Variants in GLG1 observed in about 807,000 individuals in gnomAD.
GLG1 encodes the protein golgi glycoprotein 1.
GLG1 carries 38 observed loss-of-function variants against 160.5 expected under a neutral mutation model. The ratio of observed to expected loss-of-function variants is 0.24; its 90% CI spans 0.18 to 0.31. The LOEUF is 0.31. Among genes scored for constraint, GLG1 ranks in the 10% least tolerant of loss-of-function variants. The probability of loss-of-function intolerance (pLI) is 1.00; values close to 1 mark genes in which losing one functional copy is unlikely to be tolerated. For synonymous variants in GLG1, 644 were observed against 543.4 expected (o/e 1.19, Z -2.57); for missense variants, 1,373 against 1,505.2 (o/e 0.91, Z 1.45).
intron 1 of GLG1, among the ~76,000 whole-genome samples, chr16:74,589,182 G>C (rs1958118904): frequency 6.6e-6 from 1 of 151,848 alleles, no homozygotes; most frequent in Non-Finnish European, 1.5e-5. Flanking sequence ...TTGAACCCAG[G>C]AGGCAGAGGT....
chr16:74,585,206 A>G (rs2143836147), intron 1 of GLG1, among the ~76,000 whole-genome samples: 1 of 152,128 alleles, frequency 6.6e-6, no homozygotes, highest in East Asian at 1.9e-4. Context: ...TCAGGAGTTC[A>G]AGACTGGTCT....
At position 74,491,089 on chromosome 16, in the gene GLG1, C is replaced by A. The variant is rs2015965589; in HGVS notation, c.1361G>T (p.Gly454Val). 1.9e-6 allele frequency: 3 copies of A among 1,614,012 alleles called. No individual in the cohort carries two copies. Among genetic ancestry groups the A allele is most frequent in the Non-Finnish European group, 2.5e-6 (3 of 1,179,976 alleles). The change falls in exon 8 of 26, where the codon GGA becomes GTA. Residue 454 changes from glycine to valine, a missense_variant. By Grantham distance (109) the Gly-to-Val change is moderately radical. Around this residue, in one of 4 missense-constraint regions of GLG1, gnomAD observed 386 missense variants for 388.5 expected, o/e 0.99. Coordinates refer to ENST00000422840, the MANE Select transcript of GLG1 (RefSeq NM_001145667.2). ...TAGGGTCCGCCCTTTTCGATGTAAT[C>A]CGGAACAATGGTGTTCAATCTCCCC... ...CRGEIEHHCS[G>V]LHRKGRTLHC...
rs544602512 is a variant in GLG1 at position 74,587,448 on chromosome 16, G to A, written c.438+19209C>T. ...AATGGTCACAGGAGATTTGTGGAGG[G>A]ATCCCCTTGAATCTAATAAACAATT... On this transcript the variant is annotated intron_variant, in intron 1 of 25. Coordinates refer to ENST00000422840, the MANE Select transcript of GLG1 (RefSeq NM_001145667.2). 5.3e-5 allele frequency among the ~76,000 whole-genome samples: 8 copies of A among 152,278 alleles called. 1 individual carries two copies. In the South Asian group the frequency reaches 1.2e-3, roughly 24 times the overall value.
At chr16:74,470,158 C>A (rs1361813715) in intron 15 of GLG1, 85 bp from the exon 16 acceptor site, 3 of 789,158 alleles carry the variant, frequency 3.8e-6, no homozygotes, top group Non-Finnish European at 6.7e-6. Flanking sequence ...ATATAGCTCT[C>A]ACAAGCCTGT....
At chr16:74,475,460 T>C (rs2015363949) in intron 12 of GLG1, among the ~76,000 whole-genome samples, 2 of 152,210 alleles carry the variant, frequency 1.3e-5, no homozygotes, top group Non-Finnish European at 2.9e-5. Context: ...GCAAGTCAGA[T>C]CTGGGATTCT....
intron 1 of GLG1, among the ~76,000 whole-genome samples, chr16:74,543,293 A>T (rs1230468773): frequency 2.0e-5 from 3 of 152,356 alleles, no homozygotes; most frequent in Non-Finnish European, 4.4e-5. Flanking sequence ...TGGGAAAAAA[A>T]TTTAATATAT....
At chr16:74,505,151 A>C (rs1412080882) in intron 3 of GLG1, among the ~76,000 whole-genome samples, 1 of 152,218 alleles carries the variant, frequency 6.6e-6, no homozygotes. Flanking sequence ...AAACAAACAC[A>C]ATCTCCTCTT....
intron 1 of GLG1, among the ~76,000 whole-genome samples, chr16:74,605,021 G>A (rs1958533208): frequency 6.6e-6 from 1 of 152,130 alleles, no homozygotes; most frequent in Non-Finnish European, 1.5e-5. Flanking sequence ...ACTCCAGCCT[G>A]GCGACAGAGT....
intron 25 of GLG1, among the ~76,000 whole-genome samples, chr16:74,454,406 C>T (rs1006798940): frequency 3.3e-5 from 5 of 151,104 alleles, no homozygotes; most frequent in African/African-American, 9.7e-5. Context: ...TGGTGGCTCA[C>T]GCCTGTAATC....
At chr16:74,500,322 C>A (rs1567484629) in intron 4 of GLG1, among the ~76,000 whole-genome samples, 1 of 152,124 alleles carries the variant, frequency 6.6e-6, no homozygotes, top group Non-Finnish European at 1.5e-5. Flanking sequence ...TATAAATGAA[C>A]TTACAATAAT....
intron 4 of GLG1, among the ~76,000 whole-genome samples, chr16:74,501,750 T>C (rs1177012092): frequency 6.6e-6 from 1 of 152,252 alleles, no homozygotes; most frequent in Non-Finnish European, 1.5e-5. Flanking sequence ...GAATTGGATA[T>C]AATTTTCAAC....
chr16:74,497,284 T>C (rs12927555), intron 4 of GLG1, among the ~76,000 whole-genome samples: 142,274 of 150,384 alleles, frequency 0.95, 67,352 homozygotes, highest in East Asian at 1. Flanking sequence ...ACAGAAACTC[T>C]GTAAAAAAAA....
intron 1 of GLG1, among the ~76,000 whole-genome samples, chr16:74,568,772 T>C (rs2018733551): frequency 6.6e-6 from 1 of 152,210 alleles, no homozygotes; most frequent in Non-Finnish European, 1.5e-5. Context: ...TTAAATCAGG[T>C]GCACATGCAA....
At chr16:74,480,507 G>A in intron 10 of GLG1, 113 bp from the exon 11 acceptor site, 1 of 661,624 alleles carries the variant, frequency 1.5e-6, no homozygotes, top group South Asian at 2.3e-5. Flanking sequence ...ATCACTTCCA[G>A]GGGCGTGGAG....
In GLG1 at chr16:74,567,790, G is replaced by A. The variant is rs563397434; in HGVS notation, c.439-35637C>T. ...TCACCTTGTTAGCCAGGATGGTCTC[G>A]ATCTCCTGACCTCATGATCCACCCG... On this transcript the variant is annotated intron_variant, in intron 1 of 25. Coordinates refer to ENST00000422840, the MANE Select transcript of GLG1 (RefSeq NM_001145667.2). 5.9e-4 allele frequency among the ~76,000 whole-genome samples: 89 copies of A among 150,890 alleles called. No homozygotes were observed. The South Asian group carries it at 0.011, about 19-fold the overall frequency.
intron 1 of GLG1, among the ~76,000 whole-genome samples, chr16:74,582,457 T>A (rs1411907418): frequency 6.6e-6 from 1 of 152,144 alleles, no homozygotes; most frequent in African/African-American, 2.4e-5. Flanking sequence ...TCCTGAAAGA[T>A]CTTTGTTAAC....
chr16:74,584,927 CA>C (rs1958012978), intron 1 of GLG1, among the ~76,000 whole-genome samples: 1 of 120,252 alleles, frequency 8.3e-6, no homozygotes, highest in Non-Finnish European at 1.8e-5. Flanking sequence ...AAACAAACAA[CA>C]AAAAAACCCC....
At chr16:74,510,600 T>C (rs893380818) in intron 2 of GLG1, among the ~76,000 whole-genome samples, 2 of 152,138 alleles carry the variant, frequency 1.3e-5, no homozygotes, top group Non-Finnish European at 2.9e-5. Flanking sequence ...CTGGCTACTA[T>C]ATACTCCTAG....
chr16:74,541,300 G>A (rs1597327099), intron 1 of GLG1, among the ~76,000 whole-genome samples: 1 of 148,286 alleles, frequency 6.7e-6, no homozygotes, highest in Non-Finnish European at 1.5e-5. Context: ...CTCCAGCCTA[G>A]GTAGCAGAGC....
Sources: allele counts gnomAD v4.1 joint callset (sites outside exome capture counted in the v4.1 genomes callset), GRCh38; gene constraint gnomAD v4.1.1; regional missense constraint gnomAD v4.1.1; transcripts MANE v1.5; gene names NCBI Gene and HGNC (gene_info 2026-07-23, HGNC 2026-07-21).